Variants in LAMA1 observed in about 807,000 individuals in gnomAD.
LAMA1 encodes laminin subunit alpha-1.
Under a neutral mutation model 348.7 loss-of-function variants are expected in LAMA1, and 219 were observed. That is an observed-to-expected ratio of 0.63 (90% CI 0.56 to 0.70). The LOEUF (loss-of-function observed/expected upper bound fraction) is 0.70, where lower values mean the gene tolerates loss of function less well. LAMA1 is among the 30% of genes least tolerant of loss of function. The pLI, the probability that LAMA1 is intolerant of heterozygous loss-of-function variation, is 0.00. For missense variants in LAMA1, 3,744 were observed against 3,888.0 expected, an observed-to-expected ratio of 0.96 and a Z score of 0.99; for synonymous variants, 1,487 against 1,491.0, an observed-to-expected ratio of 1.00 and a Z score of 0.06.
chr18:6,969,823 A>G (rs2057650155), intron 48 of LAMA1, among the ~76,000 whole-genome samples: 1 of 152,174 alleles, frequency 6.6e-6, no homozygotes, highest in African/African-American at 2.4e-5. Context: ...TGACCACCTA[A>G]AAAGCTGACT....
At chr18:7,032,318 T>C (rs2057973920) in intron 15 of LAMA1, 142 bp from the exon 16 acceptor site, 1 of 702,168 alleles carries the variant, frequency 1.4e-6, no homozygotes, top group Non-Finnish European at 2.6e-6. Context: ...CCATTTTAAG[T>C]GTACAATTCA....
At chr18:7,000,086 A>G in intron 30 of LAMA1, 89 bp from the exon 31 acceptor site, 1 of 927,972 alleles carries the variant, frequency 1.1e-6, no homozygotes, top group Non-Finnish European at 1.7e-6. Context: ...AGGATACACC[A>G]TACTGGTCTC....
chr18:6,997,888 C>G lies in LAMA1; in HGVS notation c.4664-4G>C, dbSNP rs749455243. 5 of 1,613,760 alleles carry G rather than the reference C, an allele frequency of 3.1e-6. No individual in the cohort carries two copies. The Admixed American group carries it at 8.3e-5, about 27-fold the overall frequency. On this transcript the variant is annotated splice_region_variant and splice_polypyrimidine_tract_variant and intron_variant, in intron 32 of 62. Coordinates refer to ENST00000389658, the MANE Select transcript of LAMA1 (RefSeq NM_005559.4). ...CCTACACACTCATCATCACAGGCTACAAGACAAATTTTTAAAAAGGAGAGT... is the reference window on the plus strand; with the variant it reads ...CCTACACACTCATCATCACAGGCTAGAAGACAAATTTTTAAAAAGGAGAGT...
At chr18:7,041,826 C>G (rs889535635) in intron 9 of LAMA1, among the ~76,000 whole-genome samples, 1 of 152,228 alleles carries the variant, frequency 6.6e-6, no homozygotes, top group African/African-American at 2.4e-5. Flanking sequence ...ATTGTCACCT[C>G]ATTACCCCAT....
intron 3 of LAMA1, among the ~76,000 whole-genome samples, chr18:7,064,454 T>C (rs930085570): frequency 6.6e-6 from 1 of 152,198 alleles, no homozygotes; most frequent in African/African-American, 2.4e-5. Flanking sequence ...TTTGAAATCT[T>C]ATCTTTCTCA....
At chr18:7,081,411 A>AT (rs1277540697) in intron 1 of LAMA1, among the ~76,000 whole-genome samples, 3 of 151,968 alleles carry the variant, frequency 2.0e-5, no homozygotes, top group East Asian at 1.9e-4. Context: ...ATTATCTAGG[A>AT]TTTTTTTTGT....
At chr18:7,103,597 T>C (rs2058300042) in intron 1 of LAMA1, among the ~76,000 whole-genome samples, 1 of 151,480 alleles carries the variant, frequency 6.6e-6, no homozygotes, top group African/African-American at 2.4e-5. Flanking sequence ...GTGGATCACC[T>C]GAGGTCAGGA....
At position 6,974,900 on chromosome 18, in the gene LAMA1, T is replaced by C; in HGVS notation, c.6623+3A>G. The stretch of plus-strand genomic sequence containing the variant: ...GCTGCTTTGAGAGAACATTCTCTTC[T>C]ACCTGGCTACATGGATACTGTGCCA... On this transcript the variant is annotated splice_donor_region_variant and intron_variant, in intron 46 of 62. Coordinates refer to ENST00000389658, the MANE Select transcript of LAMA1 (RefSeq NM_005559.4). The C allele has an allele frequency of 3.7e-6, 6 of 1,614,166 alleles. No homozygotes were observed. In the Middle Eastern group the frequency reaches 8.2e-4, roughly 222 times the overall value.
chr18:6,959,265 C>T, intron 54 of LAMA1, 76 bp downstream of exon 54: 1 of 1,600,434 alleles, frequency 6.2e-7, no homozygotes, highest in South Asian at 1.1e-5. Flanking sequence ...CCCAGGGCAC[C>T]ACCGCAAGGT....
intron 5 of LAMA1, among the ~76,000 whole-genome samples, chr18:7,046,690 GA>G (rs2058042990): frequency 6.6e-6 from 1 of 152,110 alleles, no homozygotes. Flanking sequence ...GCACTCTATA[GA>G]AAAGATCATG....
At chr18:6,965,520 A>G in intron 49 of LAMA1, 88 bp from the exon 50 acceptor site, 8 of 1,481,392 alleles carry the variant, frequency 5.4e-6, no homozygotes, top group Non-Finnish European at 6.6e-6. Flanking sequence ...GAAACCTTCT[A>G]AAGTCAAACT....
chr18:7,089,459 T>C (rs1208049943), intron 1 of LAMA1, among the ~76,000 whole-genome samples: 1 of 152,214 alleles, frequency 6.6e-6, no homozygotes, highest in African/African-American at 2.4e-5. Flanking sequence ...GTCCTTGCCC[T>C]ACCTCCTCTT....
intron 55 of LAMA1, 88 bp from the exon 56 acceptor site, chr18:6,956,853 A>C (rs2057581342): frequency 2.1e-6 from 3 of 1,430,738 alleles, no homozygotes; most frequent in Middle Eastern, 3.5e-4. Context: ...TACAATGAAA[A>C]TCAATTAAAA....
At chr18:7,042,094 C>T (rs1386353822) in intron 9 of LAMA1, 51 bp downstream of exon 9, 3 of 1,239,290 alleles carry the variant, frequency 2.4e-6, no homozygotes, top group East Asian at 4.8e-5. Flanking sequence ...TGCAAATCTT[C>T]CACACACACA....
chr18:7,084,177 A>G (rs1246825302), intron 1 of LAMA1, among the ~76,000 whole-genome samples: 1 of 147,418 alleles, frequency 6.8e-6, no homozygotes, highest in Non-Finnish European at 1.5e-5. Context: ...TTTTTTTTAG[A>G]TGGGGTTTCA....
chr18:7,102,016 T>C (rs1262389377), intron 1 of LAMA1, among the ~76,000 whole-genome samples: 2 of 152,148 alleles, frequency 1.3e-5, no homozygotes, highest in African/African-American at 4.8e-5. Flanking sequence ...CTTTATTAGC[T>C]GATTCCTTCA....
chr18:7,099,243 C>G (rs1346868321), intron 1 of LAMA1, among the ~76,000 whole-genome samples: 2 of 150,552 alleles, frequency 1.3e-5, no homozygotes, highest in Admixed American at 1.3e-4. Flanking sequence ...GCAAGATGTG[C>G]TTTGTTAAAC....
Position 6,999,490 on chromosome 18 carries a change from C to T in LAMA1, c.4618G>A (p.Asp1540Asn), listed in dbSNP as rs373453681. Reference sequence around the variant, plus strand: ...AGAATGTGCCTCGGTTCACACTCATCGCACCGGAGCCCCGAGGCCCCCAGC... The same window carrying T: ...AGAATGTGCCTCGGTTCACACTCATTGCACCGGAGCCCCGAGGCCCCCAGC... ...CRLGASGLRC[D>N]ECEPRHILME... Residue 1540 changes from aspartate to asparagine, a missense_variant, in exon 32 of 63, where the codon GAT becomes AAT. Around this residue, in one of 3 missense-constraint regions of LAMA1, gnomAD observed 1,983 missense variants for 1,934.3 expected, o/e 1.03. Transcript: ENST00000389658. 135 of 1,614,158 alleles carry T rather than the reference C, an allele frequency of 8.4e-5. 1 individual carries two copies. In the East Asian group the frequency reaches 8.5e-4, roughly 10 times the overall value.
rs150470553 is a variant in LAMA1, at chr18:6,970,366, C to T, written c.6899+1491G>A. On this transcript the variant is annotated intron_variant, in intron 48 of 62. Transcript: ENST00000389658. ...GTGGTGAAGACTGGTAAAGTGTTTC[C>T]AGTTTATAAAGCATTTTCACACGCA... 5.8e-3 allele frequency among the ~76,000 whole-genome samples: 878 copies of T among 152,220 alleles called. 9 individuals are homozygous for T. Among genetic ancestry groups the T allele is most frequent in the African/African-American group, 0.02 (829 of 41,542 alleles).
Sources: allele counts gnomAD v4.1 joint callset (sites outside exome capture counted in the v4.1 genomes callset), GRCh38; gene constraint gnomAD v4.1.1; regional missense constraint gnomAD v4.1.1; transcripts MANE v1.5; gene names NCBI Gene and HGNC (gene_info 2026-07-23, HGNC 2026-07-21).